Variants in CDIN1 observed in about 807,000 individuals in gnomAD.
CDIN1 encodes CDAN1 interacting nuclease 1.
CDIN1 carries 33 observed loss-of-function variants against 45.3 expected under a neutral mutation model. That is an observed-to-expected ratio of 0.73 (90% CI 0.55 to 0.97). CDIN1 has a LOEUF of 0.97. Among genes scored for constraint, CDIN1 ranks in the 50% least tolerant of loss-of-function variants. CDIN1 has a pLI of 0.00. For synonymous variants in CDIN1, 118 were observed against 124.4 expected (o/e 0.95, Z 0.34); for missense variants, 303 against 339.4 (o/e 0.89, Z 0.84).
intron 5 of CDIN1, among the ~76,000 whole-genome samples, chr15:36,678,736 T>G (rs2041741431): frequency 1.3e-5 from 2 of 152,218 alleles, no homozygotes; most frequent in Non-Finnish European, 2.9e-5. Context: ...AGATTAGGGA[T>G]CCCAACGATA....
At chr15:36,603,278 G>A (rs1163130580) in intron 1 of CDIN1, among the ~76,000 whole-genome samples, 1 of 151,984 alleles carries the variant, frequency 6.6e-6, no homozygotes, top group African/African-American at 2.4e-5. Context: ...ACCTGTTTCC[G>A]TTACCCGTCT....
chr15:36,751,448 C>T (rs1014183101), intron 10 of CDIN1, among the ~76,000 whole-genome samples: 1 of 151,554 alleles, frequency 6.6e-6, no homozygotes, highest in South Asian at 2.1e-4. Flanking sequence ...AATACCAAAA[C>T]TTTAGGAGGC....
intron 1 of CDIN1, among the ~76,000 whole-genome samples, chr15:36,589,310 G>T (rs1176637733): frequency 1.3e-5 from 2 of 152,110 alleles, no homozygotes; most frequent in African/African-American, 4.8e-5. Context: ...TCATATAGAA[G>T]ATAGGTAAAG....
chr15:36,737,122 T>C (rs774825729), intron 10 of CDIN1, among the ~76,000 whole-genome samples: 56 of 149,554 alleles, frequency 3.7e-4, no homozygotes, highest in Non-Finnish European at 5.8e-4. Context: ...GAGCTGAGAT[T>C]GCACCACTGC....
intron 1 of CDIN1, among the ~76,000 whole-genome samples, chr15:36,584,619 C>T (rs189127728): frequency 6.6e-6 from 1 of 152,186 alleles, no homozygotes; most frequent in Non-Finnish European, 1.5e-5. Flanking sequence ...CCCGCTTATT[C>T]CAGTTTAGGA....
chr15:36,691,856 TA>T, intron 6 of CDIN1, 92 bp downstream of exon 6: 1 of 1,044,026 alleles, frequency 9.6e-7, no homozygotes, highest in South Asian at 1.4e-5. Flanking sequence ...ACTGTCATCA[TA>T]AACTATCACT....
At chr15:36,702,839 C>T (rs1056376368) in intron 8 of CDIN1, among the ~76,000 whole-genome samples, 1 of 151,966 alleles carries the variant, frequency 6.6e-6, no homozygotes, top group Non-Finnish European at 1.5e-5. Flanking sequence ...TGGTGATTGC[C>T]AGTTTGTTTA....
intron 1 of CDIN1, chr15:36,613,655 G>T: frequency 7.0e-7 from 1 of 1,434,054 alleles, no homozygotes. Context: ...GGTTGAAGAG[G>T]AGCTGGACCG....
chr15:36,686,182 T>C (rs1301380161), intron 5 of CDIN1, among the ~76,000 whole-genome samples: 2 of 151,934 alleles, frequency 1.3e-5, no homozygotes, highest in East Asian at 3.9e-4. Context: ...AATGATAGAC[T>C]GGATTAAGAA....
chr15:36,755,152 A>G (rs1203688454), intron 10 of CDIN1, among the ~76,000 whole-genome samples: 1 of 152,178 alleles, frequency 6.6e-6, no homozygotes, highest in Non-Finnish European at 1.5e-5. Context: ...GAAATTGCAG[A>G]AGTATTTAGA....
chr15:36,730,995 T>A (rs1388099956), intron 10 of CDIN1, among the ~76,000 whole-genome samples: 3 of 152,144 alleles, frequency 2.0e-5, no homozygotes, highest in Non-Finnish European at 4.4e-5. Context: ...GAGATTTTTG[T>A]ACTGTAATGT....
chr15:36,750,829 G>A (rs1380666779), intron 10 of CDIN1, among the ~76,000 whole-genome samples: 1 of 152,220 alleles, frequency 6.6e-6, no homozygotes, highest in East Asian at 1.9e-4. Context: ...GCTGAAAAGG[G>A]AGACAAAGAC....
chr15:36,765,453 C>T (rs748140656), intron 10 of CDIN1, among the ~76,000 whole-genome samples: 2 of 152,000 alleles, frequency 1.3e-5, no homozygotes, highest in Non-Finnish European at 2.9e-5. Flanking sequence ...TAATTCTAAC[C>T]AACACGGTAG....
chr15:36,808,692 T>C lies in CDIN1; in HGVS notation c.*239T>C. The C allele has an allele frequency of 1.8e-6, 1 of 555,714 alleles. No individual in the cohort carries two copies. The highest frequency in any genetic ancestry group is 3.2e-6 in the Non-Finnish European group (1 of 310,058). 34.4% of individuals were successfully genotyped at this position (555,714 alleles called of 1,614,324 possible). On this transcript the variant is annotated 3_prime_UTR_variant, in exon 11 of 11. Transcript: ENST00000566621. ...AACCCACTCATTATCAGCATTTCTG[T>C]CTCTGTCAAACAATTAGTTTATAGA...
rs369535207 is a variant in CDIN1 at position 36,607,505 on chromosome 15, A to G, written c.101+27544A>G. 5.3e-5 allele frequency among the ~76,000 whole-genome samples: 8 copies of G among 152,214 alleles called. No homozygotes were observed. The South Asian group carries it at 1.0e-3, about 20-fold the overall frequency. On this transcript the variant is annotated intron_variant, in intron 1 of 10. Coordinates refer to ENST00000566621, the MANE Select transcript of CDIN1 (RefSeq NM_001321759.2). ...CTTCATATGATCTAATATGCATTCC[A>G]TCTGGAGTCTTGTTCCACTAGAAGT...
chr15:36,645,208 T>G lies in CDIN1; in HGVS notation c.148-15T>G. The G allele has an allele frequency of 6.5e-7, 1 of 1,543,952 alleles. No individual in the cohort carries two copies. Among genetic ancestry groups the G allele is most frequent in the Non-Finnish European group, 8.8e-7 (1 of 1,142,126 alleles). On this transcript the variant is annotated splice_polypyrimidine_tract_variant and intron_variant, in intron 2 of 10. Transcript: ENST00000566621. ...TATCAAAGATTTTTTTGTGTTGTTGTTTTTTTTCTTTCAGAAACACATTAA... is the reference window on the plus strand; with the variant it reads ...TATCAAAGATTTTTTTGTGTTGTTGGTTTTTTTCTTTCAGAAACACATTAA...
At chr15:36,729,788 T>A (rs555651980) in intron 10 of CDIN1, among the ~76,000 whole-genome samples, 1 of 152,308 alleles carries the variant, frequency 6.6e-6, no homozygotes, top group South Asian at 2.1e-4. Flanking sequence ...GGAGGTTCTC[T>A]GTGAACATTT....
chr15:36,685,945 C>A (rs940966156), intron 5 of CDIN1, among the ~76,000 whole-genome samples: 5 of 151,778 alleles, frequency 3.3e-5, no homozygotes, highest in African/African-American at 1.2e-4. Flanking sequence ...AATAGGAACA[C>A]TTTTACACTG....
intron 1 of CDIN1, among the ~76,000 whole-genome samples, chr15:36,581,023 T>G (rs2037016722): frequency 6.6e-6 from 1 of 152,258 alleles, no homozygotes; most frequent in Non-Finnish European, 1.5e-5. Flanking sequence ...GTCTGTAAAA[T>G]GAAGGAGTCT....
Sources: gnomAD v4.1 joint callset for allele counts (sites outside exome capture counted in the v4.1 genomes callset) on GRCh38, gnomAD v4.1.1 for gene constraint, MANE v1.5 for transcripts, NCBI Gene and HGNC (gene_info 2026-07-23, HGNC 2026-07-21) for gene names.